The following ZMYND11 variants were observed in gnomAD, a reference collection of about 807,000 sequenced individuals.
ZMYND11 encodes the protein zinc finger MYND domain-containing protein 11.
A neutral mutation model predicts 84.9 loss-of-function variants in ZMYND11; 9 were observed. The observed-to-expected ratio is 0.11, with a 90% CI of 0.06 to 0.18. The LOEUF (loss-of-function observed/expected upper bound fraction) is 0.18. Ranked by LOEUF, ZMYND11 falls within the 10% of genes least tolerant of loss-of-function variation. The pLI, the probability that ZMYND11 is intolerant of heterozygous loss-of-function variation, is 1.00. For synonymous variants in ZMYND11, 250 were observed against 244.1 expected, an observed-to-expected ratio of 1.02 and a Z score of -0.23; for missense variants, 409 against 761.0, an observed-to-expected ratio of 0.54 and a Z score of 5.44.
intron 2 of ZMYND11, among the ~76,000 whole-genome samples, chr10:202,862 G>A (rs1375909297): frequency 6.6e-6 from 1 of 152,036 alleles, no homozygotes; most frequent in Non-Finnish European, 1.5e-5. Flanking sequence ...TTCTTGTGTT[G>A]TGTGTTAATC....
At chr10:217,016 C>G (rs953657814) in intron 3 of ZMYND11, among the ~76,000 whole-genome samples, 6 of 152,148 alleles carry the variant, frequency 3.9e-5, no homozygotes, top group Non-Finnish European at 5.9e-5. Context: ...AAAATGCTAT[C>G]TCAAACACAC....
chr10:194,902 T>C (rs1289233446), intron 2 of ZMYND11, among the ~76,000 whole-genome samples: 3 of 152,202 alleles, frequency 2.0e-5, no homozygotes, highest in African/African-American at 4.8e-5. Flanking sequence ...CTAAAAACTT[T>C]CTGAAATTAT....
intron 3 of ZMYND11, among the ~76,000 whole-genome samples, chr10:212,347 ATATAG>A (rs1313751271): frequency 5.9e-5 from 9 of 152,136 alleles, no homozygotes; most frequent in African/African-American, 2.2e-4. Flanking sequence ...TAAACCAAAC[ATATAG>A]TATACAGGTT....
At chr10:153,568 A>G (rs1390082673) in intron 1 of ZMYND11, among the ~76,000 whole-genome samples, 1 of 152,200 alleles carries the variant, frequency 6.6e-6, no homozygotes, top group Non-Finnish European at 1.5e-5. Flanking sequence ...TATCAGTAAC[A>G]TCTACAGAAT....
At chr10:194,377 A>C (rs1311927595) in intron 2 of ZMYND11, among the ~76,000 whole-genome samples, 1 of 152,220 alleles carries the variant, frequency 6.6e-6, no homozygotes, top group African/African-American at 2.4e-5. Context: ...TCAGGAGGCA[A>C]TTATGGCAAA....
Position 243,869 on chromosome 10 carries a change from A to AAAT in ZMYND11, c.950+1743_950+1745dup, listed in dbSNP as rs549944183. Among the ~76,000 whole-genome samples, 3 of 152,276 alleles carry AAAT rather than the reference A, an allele frequency of 2.0e-5. No individual in the cohort carries two copies. In the South Asian group the frequency reaches 6.2e-4, roughly 32 times the overall value. ...GACACAGTGAGACTCCGTCTCAAAA[A>AAAT]AATAATAATAATAATGGTGCTAATC... On this transcript the variant is annotated intron_variant, in intron 10 of 14. Coordinates refer to ENST00000381604, the MANE Select transcript of ZMYND11 (RefSeq NM_001370100.5).
chr10:224,960 T>G (rs1037980537), intron 4 of ZMYND11, among the ~76,000 whole-genome samples: 22 of 152,218 alleles, frequency 1.4e-4, no homozygotes, highest in African/African-American at 5.3e-4. Flanking sequence ...ATATTTTGTT[T>G]TATTTGAATT....
chr10:241,948 G>GTTTAATATTAATGGTACACT, intron 9 of ZMYND11, 73 bp from the exon 10 acceptor site: 1 of 1,535,584 alleles, frequency 6.5e-7, no homozygotes, highest in Non-Finnish European at 8.9e-7. Flanking sequence ...TATGTGACTA[G>GTTTAATATTAATGGTACACT]TTTAATATTA....
At chr10:236,803 TTTTGTA>T in intron 4 of ZMYND11, 29 bp from the exon 5 acceptor site, 1 of 1,560,112 alleles carries the variant, frequency 6.4e-7, no homozygotes, top group Non-Finnish European at 8.8e-7. Flanking sequence ...AATGATCAGA[TTTTGTA>T]CCTTTTTTTA....
At chr10:133,231 A>G (rs1215349610), upstream of ZMYND11, among the ~76,000 whole-genome samples, 1 of 152,238 alleles carries the variant, frequency 6.6e-6, no homozygotes, top group African/African-American at 2.4e-5. Context: ...AAGAAAAGCA[A>G]TGTTACGTTG....
At chr10:175,892 C>G (rs1460213284) in intron 1 of ZMYND11, among the ~76,000 whole-genome samples, 1 of 152,068 alleles carries the variant, frequency 6.6e-6, no homozygotes, top group Non-Finnish European at 1.5e-5. Context: ...GATAAAAAAC[C>G]TGAACCTACC....
chr10:152,055 C>T (rs1218738153), intron 1 of ZMYND11, among the ~76,000 whole-genome samples: 1 of 152,164 alleles, frequency 6.6e-6, no homozygotes, highest in African/African-American at 2.4e-5. Context: ...TACAAGAGCT[C>T]CTGAAGGAAG....
At chr10:150,542 A>G (rs1346757290) in intron 1 of ZMYND11, among the ~76,000 whole-genome samples, 1 of 151,826 alleles carries the variant, frequency 6.6e-6, no homozygotes, top group African/African-American at 2.4e-5. Flanking sequence ...TATCAATTTT[A>G]TTGATGGCCA....
chr10:179,260 A>G (rs1055262531), intron 1 of ZMYND11, among the ~76,000 whole-genome samples: 1 of 152,122 alleles, frequency 6.6e-6, no homozygotes, highest in Non-Finnish European at 1.5e-5. Context: ...TTCTTTCCCC[A>G]TCTTGCCAGG....
At chr10:178,642 G>C (rs1357644391) in intron 1 of ZMYND11, among the ~76,000 whole-genome samples, 1 of 152,118 alleles carries the variant, frequency 6.6e-6, no homozygotes, top group East Asian at 1.9e-4. Context: ...TTTTCCTAAA[G>C]TTTTCTTTAG....
At chr10:241,215 G>A (rs930133956) in intron 9 of ZMYND11, among the ~76,000 whole-genome samples, 2 of 151,966 alleles carry the variant, frequency 1.3e-5, no homozygotes, top group Non-Finnish European at 1.5e-5. Flanking sequence ...TCACTCTGTC[G>A]CCCAGGCTTG....
chr10:215,812 T>G (rs1946117531), intron 3 of ZMYND11, among the ~76,000 whole-genome samples: 1 of 152,126 alleles, frequency 6.6e-6, no homozygotes, highest in Non-Finnish European at 1.5e-5. Context: ...CCTGCCTCAG[T>G]GACCCAAAGT....
chr10:159,828 A>G (rs1477782721), intron 1 of ZMYND11, among the ~76,000 whole-genome samples: 1 of 152,046 alleles, frequency 6.6e-6, no homozygotes, highest in Non-Finnish European at 1.5e-5. Context: ...TCATATTTTC[A>G]TCTAATACTT....
chr10:242,979 T>C (rs1951342304), intron 10 of ZMYND11, among the ~76,000 whole-genome samples: 1 of 138,118 alleles, frequency 7.2e-6, no homozygotes, highest in Non-Finnish European at 1.6e-5. Context: ...CAATACAAAA[T>C]GAATGTTTTA....
Sources: allele counts gnomAD v4.1 joint callset (sites outside exome capture counted in the v4.1 genomes callset), GRCh38; gene constraint gnomAD v4.1.1; transcripts MANE v1.5; gene names NCBI Gene and HGNC (gene_info 2026-07-23, HGNC 2026-07-21).